Variants in CNTN6 observed in about 807,000 individuals in gnomAD.
The protein encoded by CNTN6 is contactin-6.
CNTN6 carries 137 observed loss-of-function variants against 122.8 expected under a neutral mutation model. The observed-to-expected ratio is 1.12, with a 90% CI of 0.97 to 1.29. CNTN6 has a LOEUF of 1.29. Ranked by LOEUF, CNTN6 falls within the 50% of genes most tolerant of loss-of-function variation. The pLI is 0.00. For synonymous variants in CNTN6, 570 were observed against 426.0 expected, an observed-to-expected ratio of 1.34 and a Z score of -4.16; for missense variants, 1,634 against 1,223.4, an observed-to-expected ratio of 1.34 and a Z score of -5.01.
rs78072023 is a variant in CNTN6 at position 1,134,143 on chromosome 3, T to C, written c.-82-13784T>C. Among the ~76,000 whole-genome samples the C allele has an allele frequency of 7.4e-3, 1,134 of 152,276 alleles. 18 individuals carry two copies. The highest frequency in any genetic ancestry group is 0.026 in the African/African-American group (1,078 of 41,560). ...AGGCCCCGATCGACCATATAACGTC[T>C]ATGTGCTTTTGATCCGTTACTTGAA... On this transcript the variant is annotated intron_variant, in intron 1 of 22. Coordinates refer to ENST00000446702, the MANE Select transcript of CNTN6 (RefSeq NM_001289080.2).
At chr3:1,376,777 AT>A in intron 16 of CNTN6, among the ~76,000 whole-genome samples, 1 of 152,234 alleles carries the variant, frequency 6.6e-6, no homozygotes, top group African/African-American at 2.4e-5. Flanking sequence ...ATGTTACTCA[AT>A]TTTTAATTAA....
At chr3:1,271,779 T>G (rs1439271144) in intron 4 of CNTN6, among the ~76,000 whole-genome samples, 1 of 152,138 alleles carries the variant, frequency 6.6e-6, no homozygotes. Context: ...GCATTAGGCT[T>G]TTGATGGTTT....
At chr3:1,276,725 T>C (rs867705161) in intron 4 of CNTN6, among the ~76,000 whole-genome samples, 2 of 152,316 alleles carry the variant, frequency 1.3e-5, no homozygotes, top group African/African-American at 4.8e-5. Flanking sequence ...TCTTATCTTT[T>C]ACAGGGTATC....
chr3:1,371,850 G>A (rs181591468), intron 12 of CNTN6, among the ~76,000 whole-genome samples: 2 of 152,186 alleles, frequency 1.3e-5, no homozygotes, highest in Admixed American at 6.5e-5. Flanking sequence ...AAATATAAAC[G>A]TATGTCTAAA....
intron 4 of CNTN6, among the ~76,000 whole-genome samples, chr3:1,259,255 G>A (rs2094806952): frequency 6.6e-6 from 1 of 152,048 alleles, no homozygotes; most frequent in Admixed American, 6.6e-5. Context: ...AATAACTGAA[G>A]AAGACAGAAC....
intron 14 of CNTN6, among the ~76,000 whole-genome samples, 172 bp downstream of exon 14, chr3:1,373,127 A>G (rs564516001): frequency 6.6e-6 from 1 of 152,088 alleles, no homozygotes; most frequent in Non-Finnish European, 1.5e-5. Flanking sequence ...GTGAATACAG[A>G]CATGGAACTG....
chr3:1,341,716 A>C (rs1703918750), intron 11 of CNTN6, among the ~76,000 whole-genome samples: 1 of 152,188 alleles, frequency 6.6e-6, no homozygotes, highest in Admixed American at 6.5e-5. Flanking sequence ...ACACATTATG[A>C]TAAATTTAGA....
chr3:1,111,481 T>C (rs538463810), intron 1 of CNTN6, among the ~76,000 whole-genome samples: 14 of 152,270 alleles, frequency 9.2e-5, no homozygotes, highest in Middle Eastern at 6.8e-3. Flanking sequence ...AGTTGTTAGA[T>C]TGTAGAGTCA....
chr3:1,303,810 G>A (rs1697854153), intron 7 of CNTN6, among the ~76,000 whole-genome samples: 1 of 152,072 alleles, frequency 6.6e-6, no homozygotes, highest in African/African-American at 2.4e-5. Flanking sequence ...ACTTTATTTT[G>A]ATAGGCAGTT....
chr3:1,298,089 C>A, intron 7 of CNTN6, 98 bp downstream of exon 7: 3 of 790,214 alleles, frequency 3.8e-6, no homozygotes, highest in Non-Finnish European at 6.0e-6. Flanking sequence ...GGTAAATTAC[C>A]AAGTAGATTT....
chr3:1,204,407 AAAAG>A (rs2093929354), intron 2 of CNTN6, among the ~76,000 whole-genome samples: 1 of 152,224 alleles, frequency 6.6e-6, no homozygotes, highest in Non-Finnish European at 1.5e-5. Flanking sequence ...CCAGAAGTTC[AAAAG>A]AAAGAATCTG....
chr3:1,286,920 C>T (rs1694444166), intron 5 of CNTN6, among the ~76,000 whole-genome samples: 1 of 152,080 alleles, frequency 6.6e-6, no homozygotes. Context: ...GGGTTGCAAT[C>T]CTAGTCACTG....
intron 5 of CNTN6, among the ~76,000 whole-genome samples, chr3:1,292,428 C>T (rs1695483722): frequency 1.3e-5 from 2 of 151,994 alleles, no homozygotes; most frequent in African/African-American, 4.8e-5. Flanking sequence ...AATGGGTGCT[C>T]CGAACAAAAT....
chr3:1,395,958 G>T (rs1225400530), intron 20 of CNTN6, among the ~76,000 whole-genome samples: 2 of 152,058 alleles, frequency 1.3e-5, no homozygotes, highest in Non-Finnish European at 2.9e-5. Flanking sequence ...CTACCACTGT[G>T]CTCCTTTATC....
intron 1 of CNTN6, among the ~76,000 whole-genome samples, chr3:1,119,322 C>CGTGTGTGTGTGTGTGTGTGTGTGTGT (rs369235352): frequency 0.019 from 2,361 of 126,470 alleles, 58 homozygotes; most frequent in African/African-American, 0.024. Flanking sequence ...ACAGAAAAAT[C>CGTGTGTGTGTGTGTGTGTGTGTGTGT]GTGTGTGTGT....
intron 4 of CNTN6, among the ~76,000 whole-genome samples, chr3:1,260,281 C>T (rs2094823919): frequency 6.6e-6 from 1 of 152,050 alleles, no homozygotes; most frequent in Non-Finnish European, 1.5e-5. Flanking sequence ...TGCCTGTGTG[C>T]CTGTGGCTTC....
chr3:1,235,065 C>G (rs1297228580), intron 4 of CNTN6, among the ~76,000 whole-genome samples: 1 of 152,192 alleles, frequency 6.6e-6, no homozygotes, highest in Non-Finnish European at 1.5e-5. Context: ...TGCTGGAAAT[C>G]TATTTATGTG....
intron 18 of CNTN6, 38 bp from the exon 19 acceptor site, chr3:1,383,255 C>T (rs781494433): frequency 1.3e-6 from 2 of 1,593,454 alleles, no homozygotes; most frequent in South Asian, 2.2e-5. Flanking sequence ...CAATGAACCA[C>T]TCTGCTAAAG....
chr3:1,131,602 G>A (rs2092337984), intron 1 of CNTN6, among the ~76,000 whole-genome samples: 1 of 152,072 alleles, frequency 6.6e-6, no homozygotes, highest in Admixed American at 6.6e-5. Context: ...TTCTCTGTGT[G>A]GCAAGGAAGA....
Sources: gnomAD v4.1 joint callset for allele counts (sites outside exome capture counted in the v4.1 genomes callset) on GRCh38, gnomAD v4.1.1 for gene constraint, MANE v1.5 for transcripts, NCBI Gene and HGNC (gene_info 2026-07-23, HGNC 2026-07-21) for gene names.